The following PSMD1 variants were observed in gnomAD, a reference collection of about 807,000 sequenced individuals.
PSMD1 encodes 26S proteasome non-ATPase regulatory subunit 1.
In PSMD1, 18 loss-of-function variants were observed where a neutral mutation model predicts 119.0. The ratio of observed to expected loss-of-function variants is 0.15; its 90% CI spans 0.10 to 0.22. The LOEUF (loss-of-function observed/expected upper bound fraction) is 0.22, where lower values mean the gene tolerates loss of function less well. Among genes scored for constraint, PSMD1 ranks in the 10% least tolerant of loss-of-function variants. The probability of loss-of-function intolerance (pLI) is 1.00; values close to 1 mark genes in which losing one functional copy is unlikely to be tolerated. For synonymous variants in PSMD1, 374 were observed against 396.6 expected, an observed-to-expected ratio of 0.94 and a Z score of 0.68; for missense variants, 702 against 1,158.5, an observed-to-expected ratio of 0.61 and a Z score of 5.72.
intron 17 of PSMD1, among the ~76,000 whole-genome samples, chr2:231,144,640 C>G (rs1304623739): frequency 6.6e-6 from 1 of 151,970 alleles, no homozygotes; most frequent in Non-Finnish European, 1.5e-5. Context: ...TCTCAAACTC[C>G]TGGCCTCAAT....
intron 16 of PSMD1, among the ~76,000 whole-genome samples, chr2:231,118,969 A>G (rs1341126845): frequency 6.6e-6 from 1 of 150,752 alleles, no homozygotes; most frequent in Admixed American, 6.6e-5. Flanking sequence ...TTCTGTCTTT[A>G]TCTTCCAGAA....
chr2:231,083,540 G>A lies in PSMD1; in HGVS notation c.1526-27G>A, dbSNP rs757060852. ...ACTGACTTTAAAAACATAACTCTCT[G>A]TTAACATTTTACTCGTTACTTGCCA... is the stretch of plus-strand genomic sequence containing the variant. On this transcript the variant is annotated intron_variant, in intron 13 of 24. Transcript: ENST00000308696. 5 of 1,612,004 alleles carry A rather than the reference G, an allele frequency of 3.1e-6. No individual in the cohort carries two copies. The East Asian group carries it at 1.1e-4, about 36-fold the overall frequency.
chr2:231,136,254 A>T (rs944807161), intron 16 of PSMD1, among the ~76,000 whole-genome samples: 1 of 152,240 alleles, frequency 6.6e-6, no homozygotes, highest in African/African-American at 2.4e-5. Flanking sequence ...AAAGTAGGGC[A>T]GGACCTCCAA....
At chr2:231,120,524 A>C (rs1320490334) in intron 16 of PSMD1, among the ~76,000 whole-genome samples, 1 of 152,218 alleles carries the variant, frequency 6.6e-6, no homozygotes, top group Non-Finnish European at 1.5e-5. Context: ...TTGACCTAGC[A>C]CAACTCATTT....
chr2:231,091,329 T>C (rs1458928466), intron 16 of PSMD1, among the ~76,000 whole-genome samples: 1 of 152,230 alleles, frequency 6.6e-6, no homozygotes, highest in Non-Finnish European at 1.5e-5. Context: ...TAACCCTTGC[T>C]CTTAAGAGAA....
At chr2:231,172,236 T>G (rs1241925815) in intron 24 of PSMD1, among the ~76,000 whole-genome samples, 2 of 152,214 alleles carry the variant, frequency 1.3e-5, no homozygotes, top group Non-Finnish European at 2.9e-5. Context: ...CATCAAGCCT[T>G]TGGCAATACC....
chr2:231,159,331 A>C (rs1559253703), intron 19 of PSMD1, among the ~76,000 whole-genome samples: 1 of 152,228 alleles, frequency 6.6e-6, no homozygotes, highest in Non-Finnish European at 1.5e-5. Flanking sequence ...GCCTAACAAA[A>C]TTTGCAAGAT....
intron 5 of PSMD1, among the ~76,000 whole-genome samples, chr2:231,067,831 A>G (rs1693944661): frequency 6.6e-6 from 1 of 151,760 alleles, no homozygotes; most frequent in African/African-American, 2.4e-5. Context: ...TAATTTTTGT[A>G]TTTTTAGTAG....
At chr2:231,107,047 G>A (rs1456395596) in intron 16 of PSMD1, among the ~76,000 whole-genome samples, 1 of 152,118 alleles carries the variant, frequency 6.6e-6, no homozygotes, top group South Asian at 2.1e-4. Flanking sequence ...TGCCTCTTAT[G>A]TGAGATAACC....
intron 16 of PSMD1, among the ~76,000 whole-genome samples, chr2:231,095,576 A>G (rs1490492072): frequency 6.6e-6 from 1 of 152,198 alleles, no homozygotes; most frequent in East Asian, 1.9e-4. Flanking sequence ...TGATACTGAC[A>G]CATGGTAGGA....
At chr2:231,078,783 A>ATTT (rs766768508) in intron 10 of PSMD1, 36 bp downstream of exon 10, 1 of 1,158,826 alleles carries the variant, frequency 8.6e-7, no homozygotes, top group Non-Finnish European at 1.2e-6. Flanking sequence ...TTGGTTCAAA[A>ATTT]TCTTTTTCTT....
intron 19 of PSMD1, among the ~76,000 whole-genome samples, chr2:231,157,445 T>TA (rs887986409): frequency 2.7e-5 from 4 of 149,672 alleles, no homozygotes; most frequent in South Asian, 2.1e-4. Context: ...TTTTTTTTTT[T>TA]ATATCTTCTT....
At chr2:231,136,765 A>G (rs966002241) in intron 16 of PSMD1, among the ~76,000 whole-genome samples, 4 of 151,782 alleles carry the variant, frequency 2.6e-5, no homozygotes, top group Non-Finnish European at 4.4e-5. Context: ...CCTGATGCCT[A>G]TATTCCTCTT....
chr2:231,069,200 AGC>A (rs1175630351), intron 5 of PSMD1, among the ~76,000 whole-genome samples: 1 of 152,118 alleles, frequency 6.6e-6, no homozygotes, highest in Non-Finnish European at 1.5e-5. Flanking sequence ...AAAAAAAAAA[AGC>A]AGAGTAACAA....
intron 16 of PSMD1, among the ~76,000 whole-genome samples, chr2:231,088,727 T>C (rs1018661006): frequency 6.6e-6 from 1 of 152,152 alleles, no homozygotes; most frequent in African/African-American, 2.4e-5. Context: ...CACAATAATA[T>C]TGAAATTAGG....
chr2:231,149,958 T>G (rs1179852635), intron 18 of PSMD1, among the ~76,000 whole-genome samples: 1 of 152,190 alleles, frequency 6.6e-6, no homozygotes, highest in South Asian at 2.1e-4. Context: ...TCAGGCATAT[T>G]GAGTTTGACA....
chr2:231,137,758 T>C (rs1217309650), intron 16 of PSMD1, among the ~76,000 whole-genome samples: 2 of 152,130 alleles, frequency 1.3e-5, no homozygotes, highest in South Asian at 2.1e-4. Flanking sequence ...ACCCAGTGTT[T>C]AGCTCTCACT....
chr2:231,125,931 ATACT>A (rs1373371129), intron 16 of PSMD1, among the ~76,000 whole-genome samples: 3 of 152,214 alleles, frequency 2.0e-5, no homozygotes, highest in Admixed American at 6.5e-5. Flanking sequence ...TTATTGGAAA[ATACT>A]TAGTTCATTT....
intron 16 of PSMD1, among the ~76,000 whole-genome samples, chr2:231,131,056 G>C (rs59886388): frequency 0.49 from 74,588 of 151,922 alleles, 21,812 homozygotes; most frequent in African/African-American, 0.81. Context: ...CTTTTTCTTT[G>C]TTTTCTTCCT....
Sources: gnomAD v4.1 joint callset for allele counts (sites outside exome capture counted in the v4.1 genomes callset) on GRCh38, gnomAD v4.1.1 for gene constraint, MANE v1.5 for transcripts, NCBI Gene and HGNC (gene_info 2026-07-23, HGNC 2026-07-21) for gene names.